The following DNA2 variants were observed in gnomAD, a reference collection of about 807,000 sequenced individuals.
DNA2 encodes the protein DNA replication ATP-dependent helicase/nuclease DNA2.
DNA2 carries 101 observed loss-of-function variants against 119.1 expected under a neutral mutation model. That is an observed-to-expected ratio of 0.85 (90% CI 0.72 to 1.00). DNA2 has a LOEUF of 1.00. Ranked by LOEUF, DNA2 falls within the 50% of genes least tolerant of loss-of-function variation. DNA2 has a pLI of 0.00. For missense variants in DNA2, 1,121 were observed against 1,255.5 expected (o/e 0.89, Z 1.62); for synonymous variants, 366 against 424.4 (o/e 0.86, Z 1.69).
chr10:68,437,170 T>C lies in DNA2; in HGVS notation c.1487A>G (p.Tyr496Cys), dbSNP rs373356590. 449 of 1,613,728 alleles carry C rather than the reference T, an allele frequency of 2.8e-4. No homozygotes were observed. Among genetic ancestry groups the C allele is most frequent in the Non-Finnish European group, 3.7e-4 (432 of 1,179,818 alleles). The change falls in exon 10 of 21, where the codon TAT becomes TGT. Residue 496 changes from tyrosine (Y) to cysteine (C), a missense_variant. Tyr to Cys is a radical substitution (Grantham distance 194). Coordinates refer to ENST00000358410, the MANE Select transcript of DNA2 (RefSeq NM_001080449.3). ...EHVKIVCDGQ[Y>C]LHNFQCKHGA... is the part of the protein sequence containing the mutation. The stretch of plus-strand genomic sequence containing the variant: ...ATGTTTACATTGGAAATTATGTAAA[T>C]ATTGCCCATCACAAACTATCTTTAC...
intron 5 of DNA2, among the ~76,000 whole-genome samples, chr10:68,452,422 G>A (rs373948626): frequency 6.6e-5 from 10 of 151,922 alleles, no homozygotes; most frequent in East Asian, 1.9e-4. Context: ...ACTTGTTCAC[G>A]GTGTGTATTC....
chr10:68,466,703 C>T (rs1038310397), intron 3 of DNA2, among the ~76,000 whole-genome samples: 5 of 151,852 alleles, frequency 3.3e-5, no homozygotes, highest in Admixed American at 6.6e-5. Context: ...CTCAGCCTCC[C>T]GAGTAGCTGG....
chr10:68,455,416 A>C (rs1419834850), intron 5 of DNA2, among the ~76,000 whole-genome samples: 1 of 152,238 alleles, frequency 6.6e-6, no homozygotes, highest in Admixed American at 6.5e-5. Flanking sequence ...AAACATTTAT[A>C]AATTTATTTT....
rs187822346 is a variant in DNA2, at chr10:68,456,972, A to C, written c.719+2132T>G. 9.1e-3 allele frequency among the ~76,000 whole-genome samples: 1,380 copies of C among 151,866 alleles called. 25 individuals carry two copies. The highest frequency in any genetic ancestry group is 0.031 in the African/African-American group (1,291 of 41,434). ...ACACGGTGAAACCCCGGCTCTACTA[A>C]AAATACAAAAAATTAGCCAGGCATG... On this transcript the variant is annotated intron_variant, in intron 5 of 20. Transcript: ENST00000358410.
chr10:68,445,376 T>C (rs368765876), intron 7 of DNA2, among the ~76,000 whole-genome samples: 1 of 151,782 alleles, frequency 6.6e-6, no homozygotes, highest in East Asian at 1.9e-4. Flanking sequence ...GGCAGGAGAA[T>C]CACCTGAACC....
rs2051901473 is a variant in DNA2, at chr10:68,437,233, C to T, written c.1424G>A (p.Ser475Asn). The T allele has an allele frequency of 6.2e-7, 1 of 1,602,092 alleles. No individual in the cohort carries two copies. Among genetic ancestry groups the T allele is most frequent in the Admixed American group, 1.7e-5 (1 of 59,288 alleles). ...AATCAGGTTTCCAATGCAACTGCCACTCTTCTCCCTATGAAAAGACCAAAG... is the reference window on the plus strand; with the variant it reads ...AATCAGGTTTCCAATGCAACTGCCATTCTTCTCCCTATGAAAAGACCAAAG... ...WLMPASEMEKSGSCIGNLIRM... is the reference protein window; with the variant it reads ...WLMPASEMEKNGSCIGNLIRM... Residue 475 changes from serine (S) to asparagine (N), a missense_variant, in exon 10 of 21, where the codon AGT (serine) becomes AAT (asparagine). Ser to Asn is a conservative substitution (Grantham distance 46). Coordinates refer to ENST00000358410, the MANE Select transcript of DNA2 (RefSeq NM_001080449.3).
intron 19 of DNA2, 42 bp from the exon 20 acceptor site, chr10:68,416,897 T>G: frequency 6.4e-7 from 1 of 1,551,990 alleles, no homozygotes; most frequent in Non-Finnish European, 8.8e-7. Flanking sequence ...TTCAAAGGAA[T>G]GGTTAAATAT....
At chr10:68,458,129 C>T (rs775645440) in intron 5 of DNA2, among the ~76,000 whole-genome samples, 21 of 151,018 alleles carry the variant, frequency 1.4e-4, no homozygotes, top group Non-Finnish European at 3.0e-4. Flanking sequence ...GCAGAGATCA[C>T]ACCATTGCAC....
rs2051897566 is a variant in DNA2 at position 68,437,027 on chromosome 10, T to G, written c.1630A>C (p.Thr544Pro). Reference sequence around the variant, plus strand: ...TTTCATTACCTGTCTAATAAACAAGTTACTGTTGTCATGTTAATCTCCTTC... The same window carrying G: ...TTTCATTACCTGTCTAATAAACAAGGTACTGTTGTCATGTTAATCTCCTTC... ...YVKEINMTTVTCLLDRNLSVL... is the reference protein window; with the variant it reads ...YVKEINMTTVPCLLDRNLSVL... Residue 544 changes from threonine (T) to proline (P), a missense_variant, in exon 10 of 21, where the codon ACT (threonine) becomes CCT (proline). Thr to Pro is a conservative substitution (Grantham distance 38). Transcript: ENST00000358410. 3 of 1,609,638 alleles carry G rather than the reference T, an allele frequency of 1.9e-6. No homozygotes were observed. Among genetic ancestry groups the G allele is most frequent in the Non-Finnish European group, 2.5e-6 (3 of 1,178,116 alleles).
intron 9 of DNA2, 29 bp downstream of exon 9, chr10:68,442,888 A>G (rs896123601): frequency 4.5e-6 from 7 of 1,557,654 alleles, no homozygotes; most frequent in Non-Finnish European, 6.1e-6. Context: ...AAACTACTGA[A>G]ATCTTACTGT....
chr10:68,450,265 A>G lies in DNA2; in HGVS notation c.720-18T>C. ...CACTTGGCCTGAAAAAAAAAAAAGC[A>G]CAAAAACACTTAATTAGAACTCTTA... On this transcript the variant is annotated intron_variant, in intron 5 of 20. Coordinates refer to ENST00000358410, the MANE Select transcript of DNA2 (RefSeq NM_001080449.3). 1 of 1,484,060 alleles carries G rather than the reference A, an allele frequency of 6.7e-7. No individual in the cohort carries two copies. Among genetic ancestry groups the G allele is most frequent in the Non-Finnish European group, 9.2e-7 (1 of 1,089,452 alleles). The allele number at this position is 1,484,060 out of a possible 1,614,324, so 91.9% of individuals were successfully genotyped here.
chr10:68,440,417 C>A (rs1164339093), intron 9 of DNA2, among the ~76,000 whole-genome samples: 1 of 152,000 alleles, frequency 6.6e-6, no homozygotes, highest in African/African-American at 2.4e-5. Flanking sequence ...CCTGCCTCAG[C>A]CTTGGGAGTA....
intron 18 of DNA2, chr10:68,419,477 A>G: frequency 1.9e-6 from 1 of 515,674 alleles, no homozygotes. Context: ...GTGCACACAC[A>G]CACACACACA....
At chr10:68,445,794 T>A (rs959571070) in intron 7 of DNA2, among the ~76,000 whole-genome samples, 10 of 151,850 alleles carry the variant, frequency 6.6e-5, no homozygotes, top group Non-Finnish European at 1.2e-4. Context: ...ATTAATAATG[T>A]TTTCAACTAT....
chr10:68,440,608 T>A (rs1254909865), intron 9 of DNA2, among the ~76,000 whole-genome samples: 1 of 151,736 alleles, frequency 6.6e-6, no homozygotes, highest in Non-Finnish European at 1.5e-5. Context: ...AGAGCAAGAC[T>A]TTGTCTAAAA....
rs2051702131 is a variant in DNA2, at chr10:68,424,054, CAG to C, written c.2209-1166_2209-1165del. ...TCTATAAATGCCAACACCAGAATGA[CAG>C]AGAGGTCAGAACTATCTGACCAAGA... On this transcript the variant is annotated intron_variant, in intron 14 of 20. Coordinates refer to ENST00000358410, the MANE Select transcript of DNA2 (RefSeq NM_001080449.3). 2.0e-5 allele frequency among the ~76,000 whole-genome samples: 3 copies of C among 152,156 alleles called. No individual in the cohort carries two copies. The South Asian group carries it at 6.2e-4, about 32-fold the overall frequency.
rs773180410 is a variant in DNA2 at position 68,416,816 on chromosome 10, C to A, written c.3007G>T (p.Ala1003Ser). The A allele has an allele frequency of 5.0e-6, 8 of 1,613,116 alleles. No individual in the cohort carries two copies. Among genetic ancestry groups the A allele is most frequent in the East Asian group, 4.5e-5 (2 of 44,882 alleles). ...AGTTTATGTTTGGCTCTGGTTATAG[C>A]AACATTAAGACGTCGCCAATCTTTC... ...LLKDWRRLNV[A>S]ITRAKHKLIL... is the part of the protein sequence containing the mutation. The change falls in exon 20 of 21, where the codon GCT (alanine) becomes TCT (serine). Residue 1003 changes from alanine to serine, a missense_variant. Ala to Ser is a moderately conservative substitution (Grantham distance 99, BLOSUM62 1). Transcript: ENST00000358410.
intron 5 of DNA2, among the ~76,000 whole-genome samples, chr10:68,456,278 G>C (rs1225199274): frequency 6.6e-6 from 1 of 152,118 alleles, no homozygotes; most frequent in Non-Finnish European, 1.5e-5. Context: ...GCACACACAA[G>C]TTAAGGAGCC....
chr10:68,414,402 A>G lies in DNA2; in HGVS notation c.*637T>C, dbSNP rs987199455. 1.3e-5 allele frequency: 2 copies of G among 152,174 alleles called. No homozygotes were observed. The highest frequency in any genetic ancestry group is 4.8e-5 in the African/African-American group (2 of 41,452). The allele number at this position is 152,174 out of a possible 1,614,324, so 9.4% of individuals were successfully genotyped here. On this transcript the variant is annotated 3_prime_UTR_variant, in exon 21 of 21. Transcript: ENST00000358410. Reference sequence around the variant, plus strand: ...GAATCAACTTTTTAAATTTATTATCAATTCAGAAAACAAAATTTGTTGCAA... The same window carrying G: ...GAATCAACTTTTTAAATTTATTATCGATTCAGAAAACAAAATTTGTTGCAA...
Sources: gnomAD v4.1 joint callset for allele counts (sites outside exome capture counted in the v4.1 genomes callset) on GRCh38, gnomAD v4.1.1 for gene constraint, MANE v1.5 for transcripts, NCBI Gene and HGNC (gene_info 2026-07-23, HGNC 2026-07-21) for gene names.